ASCC3: variants seen among roughly 807,000 people sequenced by gnomAD.
The protein encoded by ASCC3 is activating signal cointegrator 1 complex subunit 3.
ASCC3 carries 158 observed loss-of-function variants against 256.3 expected under a neutral mutation model. The ratio of observed to expected loss-of-function variants is 0.62; its 90% CI spans 0.54 to 0.70. ASCC3 has a LOEUF of 0.70. Among genes scored for constraint, ASCC3 ranks in the 30% least tolerant of loss-of-function variants. The probability of loss-of-function intolerance (pLI) is 0.00; values close to 1 mark genes in which losing one functional copy is unlikely to be tolerated. For synonymous variants in ASCC3, 948 were observed against 883.4 expected (o/e 1.07, Z -1.30); for missense variants, 2,259 against 2,626.0 (o/e 0.86, Z 3.05).
chr6:100,854,363 C>T (rs1050542088), intron 3 of ASCC3, among the ~76,000 whole-genome samples: 4 of 151,872 alleles, frequency 2.6e-5, no homozygotes, highest in African/African-American at 9.7e-5. Context: ...AAACTCTTTC[C>T]GTGCATGAAA....
intron 8 of ASCC3, among the ~76,000 whole-genome samples, chr6:100,782,249 G>A (rs369320817): frequency 7.2e-5 from 11 of 152,022 alleles, no homozygotes; most frequent in African/African-American, 1.4e-4. Flanking sequence ...GATTGTTATC[G>A]GTGCTTTTAA....
chr6:100,765,488 G>T lies in ASCC3; in HGVS notation c.1737+1077C>A, dbSNP rs1236745219. On this transcript the variant is annotated intron_variant, in intron 10 of 41. Coordinates refer to ENST00000369162, the MANE Select transcript of ASCC3 (RefSeq NM_006828.4). The stretch of plus-strand genomic sequence containing the variant: ...CTTGGTCTCCACATTCCTTTCTTTA[G>T]ATAATAACTCAACCAACCGCCAATC... Among the ~76,000 whole-genome samples, 6 of 152,250 alleles carry T rather than the reference G, an allele frequency of 3.9e-5. No individual in the cohort carries two copies. The East Asian group carries it at 1.2e-3, about 29-fold the overall frequency.
At position 100,714,284 on chromosome 6, in the gene ASCC3, G is replaced by A. The variant is rs12664368; in HGVS notation, c.2151+1178C>T. Among the ~76,000 whole-genome samples, 1,949 of 151,894 alleles carry A rather than the reference G, an allele frequency of 0.013. 100 individuals carry two copies. The East Asian group carries it at 0.15, about 11-fold the overall frequency. On this transcript the variant is annotated intron_variant, in intron 13 of 41. Coordinates refer to ENST00000369162, the MANE Select transcript of ASCC3 (RefSeq NM_006828.4). ...AGAACAAATAGTTTTTATTTAGTAG[G>A]ATTTTTTTAATTTAAAGAAAGAATA...
At chr6:100,540,986 T>C (rs1043263691) in intron 36 of ASCC3, among the ~76,000 whole-genome samples, 2 of 152,158 alleles carry the variant, frequency 1.3e-5, no homozygotes, top group Non-Finnish European at 2.9e-5. Context: ...TTCTGGAATG[T>C]TTTGATTTTT....
chr6:100,787,934 T>A (rs897592907), intron 8 of ASCC3, among the ~76,000 whole-genome samples: 6 of 151,800 alleles, frequency 4.0e-5, no homozygotes, highest in African/African-American at 1.4e-4. Flanking sequence ...AAAAATTGCT[T>A]ACATATGACC....
intron 3 of ASCC3, among the ~76,000 whole-genome samples, chr6:100,852,857 A>G (rs1276354447): frequency 6.6e-6 from 1 of 152,164 alleles, no homozygotes; most frequent in Non-Finnish European, 1.5e-5. Context: ...CAACTGTAAT[A>G]TATTTAAAAG....
intron 5 of ASCC3, among the ~76,000 whole-genome samples, chr6:100,802,921 T>C (rs1179621406): frequency 6.6e-6 from 1 of 151,908 alleles, no homozygotes; most frequent in East Asian, 1.9e-4. Flanking sequence ...GATGAGAGGA[T>C]TGCTTGAGCA....
At position 100,590,047 on chromosome 6, in the gene ASCC3, C is replaced by T; in HGVS notation, c.5316G>A (p.Leu1772=). Reference sequence around the variant, plus strand: ...TCACAGAATCATGGCTCACATCACCCAAATTGTAATAGCTAGAAAACAAGC... The same window carrying T: ...TCACAGAATCATGGCTCACATCACCTAAATTGTAATAGCTAGAAAACAAGC... ...RLIMNPSYYN[L]GDVSHDSVNK... The change falls in exon 35 of 42, where the codon TTG becomes TTA. Residue 1772 remains leucine (L), a synonymous_variant. Coordinates refer to ENST00000369162, the MANE Select transcript of ASCC3 (RefSeq NM_006828.4). 1 of 1,611,716 alleles carries T rather than the reference C, an allele frequency of 6.2e-7. No homozygotes were observed. The highest frequency in any genetic ancestry group is 8.5e-7 in the Non-Finnish European group (1 of 1,178,010).
intron 32 of ASCC3, among the ~76,000 whole-genome samples, chr6:100,606,445 C>T (rs1015766518): frequency 1.3e-5 from 2 of 152,012 alleles, no homozygotes; most frequent in African/African-American, 4.8e-5. Context: ...CTAATAGCTC[C>T]TAAGAAGTAC....
chr6:100,685,724 T>C (rs239197), intron 13 of ASCC3, among the ~76,000 whole-genome samples: 85,623 of 152,092 alleles, frequency 0.56, 24,320 homozygotes, highest in East Asian at 0.73. Context: ...TATATTTATT[T>C]ATATCCCATG....
chr6:100,796,052 TC>T (rs1769595589), intron 8 of ASCC3, among the ~76,000 whole-genome samples: 1 of 152,114 alleles, frequency 6.6e-6, no homozygotes, highest in South Asian at 2.1e-4. Context: ...AATGTATTAT[TC>T]CCCAGTTATT....
chr6:100,630,940 A>G (rs1459910858), intron 26 of ASCC3, among the ~76,000 whole-genome samples, 188 bp downstream of exon 26: 2 of 152,112 alleles, frequency 1.3e-5, no homozygotes, highest in Non-Finnish European at 2.9e-5. Context: ...GGGAATATTG[A>G]TATCATTTTA....
intron 20 of ASCC3, among the ~76,000 whole-genome samples, chr6:100,648,995 T>TA (rs1184558819): frequency 6.6e-6 from 1 of 151,842 alleles, no homozygotes; most frequent in Non-Finnish European, 1.5e-5. Flanking sequence ...AGAGAAAGTT[T>TA]AAAAAATATA....
At chr6:100,602,326 T>C (rs1182831340) in intron 33 of ASCC3, among the ~76,000 whole-genome samples, 1 of 152,024 alleles carries the variant, frequency 6.6e-6, no homozygotes, top group Non-Finnish European at 1.5e-5. Context: ...TTTTCCAGAT[T>C]AAGTTAACAG....
At position 100,858,898 on chromosome 6, in the gene ASCC3, T is replaced by C. The variant is rs1773088033; in HGVS notation, c.241+5166A>G. ...TCAAGAGTCAATCAAGGATCATACATTACATTTTGATTATTATATGCCTTT... is the reference window on the plus strand; with the variant it reads ...TCAAGAGTCAATCAAGGATCATACACTACATTTTGATTATTATATGCCTTT... On this transcript the variant is annotated intron_variant, in intron 3 of 41. Transcript: ENST00000369162. 1.3e-5 allele frequency: 7 copies of C among 534,630 alleles called. No individual in the cohort carries two copies. In the South Asian group the frequency reaches 1.3e-4, roughly 10 times the overall value. The allele number at this position is 534,630 out of a possible 1,614,324, so 33.1% of individuals were successfully genotyped here. A position where few individuals can be genotyped will look rare whatever the true frequency, so the allele number is the denominator to read the frequency against.
chr6:100,674,264 A>T (rs1776897887), intron 14 of ASCC3, among the ~76,000 whole-genome samples: 1 of 151,976 alleles, frequency 6.6e-6, no homozygotes, highest in South Asian at 2.1e-4. Flanking sequence ...ATGAATATAT[A>T]TTACATAATT....
At chr6:100,826,245 C>T (rs1309812956) in intron 4 of ASCC3, among the ~76,000 whole-genome samples, 2 of 152,040 alleles carry the variant, frequency 1.3e-5, no homozygotes, top group African/African-American at 4.8e-5. Context: ...AATTCTCCTG[C>T]CTTAGCCTCC....
chr6:100,829,370 T>C (rs1391389651), intron 4 of ASCC3, among the ~76,000 whole-genome samples: 1 of 151,140 alleles, frequency 6.6e-6, no homozygotes, highest in Admixed American at 6.6e-5. Context: ...TCCTGAGCCC[T>C]GCCCCGTGGG....
intron 36 of ASCC3, among the ~76,000 whole-genome samples, chr6:100,550,290 A>T (rs1769225236): frequency 6.6e-6 from 1 of 151,902 alleles, no homozygotes; most frequent in Non-Finnish European, 1.5e-5. Context: ...TTGGGTCTAC[A>T]GATTTTGAAT....
Sources: gnomAD v4.1 joint callset for allele counts (sites outside exome capture counted in the v4.1 genomes callset) on GRCh38, gnomAD v4.1.1 for gene constraint, MANE v1.5 for transcripts, NCBI Gene and HGNC (gene_info 2026-07-23, HGNC 2026-07-21) for gene names.